Variants in ADAM22 observed in about 807,000 individuals in gnomAD.
ADAM22 encodes the protein disintegrin and metalloproteinase domain-containing protein 22.
ADAM22 carries 65 observed loss-of-function variants against 144.6 expected under a neutral mutation model. That is an observed-to-expected ratio of 0.45 (90% CI 0.37 to 0.55). The LOEUF (loss-of-function observed/expected upper bound fraction) is 0.55, where lower values mean the gene tolerates loss of function less well. ADAM22 is among the 20% of genes least tolerant of loss of function. The pLI is 0.00. For synonymous variants in ADAM22, 391 were observed against 412.6 expected (o/e 0.95, Z 0.63); for missense variants, 974 against 1,184.9 (o/e 0.82, Z 2.61).
chr7:88,092,545 CT>C (rs1477435898), intron 4 of ADAM22, among the ~76,000 whole-genome samples: 49 of 152,342 alleles, frequency 3.2e-4, no homozygotes, highest in East Asian at 9.6e-4. Context: ...CATTTCCCCC[CT>C]GGCAGGCTTA....
At chr7:88,041,870 G>T (rs1170115301) in intron 3 of ADAM22, among the ~76,000 whole-genome samples, 1 of 151,972 alleles carries the variant, frequency 6.6e-6, no homozygotes, top group Non-Finnish European at 1.5e-5. Context: ...GCCACATTTT[G>T]AAATGCAATT....
In ADAM22 at chr7:88,072,211, C is replaced by CTTGTA. The variant is rs202145184; in HGVS notation, c.324-3413_324-3409dup. Among the ~76,000 whole-genome samples, 89 of 152,134 alleles carry CTTGTA rather than the reference C, an allele frequency of 5.9e-4. 1 individual carries two copies. In the East Asian group the frequency reaches 0.017, roughly 28 times the overall value. On this transcript the variant is annotated intron_variant, in intron 3 of 31. Transcript: ENST00000413139. ...TTACATGGAGCGCTTTCCAGCAATACTTGTATATAGAGGCTTGATTGAAAT... is the reference window on the plus strand; with the variant it reads ...TTACATGGAGCGCTTTCCAGCAATACTTGTATTGTATATAGAGGCTTGATTGAAAT...
intron 2 of ADAM22, among the ~76,000 whole-genome samples, chr7:87,977,737 A>G (rs551060150): frequency 6.6e-6 from 1 of 150,494 alleles, no homozygotes; most frequent in Non-Finnish European, 1.5e-5. Flanking sequence ...GAAATAGTGA[A>G]TTTTTTTTTT....
intron 4 of ADAM22, among the ~76,000 whole-genome samples, chr7:88,086,079 G>A (rs1334600169): frequency 2.0e-5 from 3 of 152,186 alleles, no homozygotes; most frequent in African/African-American, 7.2e-5. Context: ...AGGAGGCTGA[G>A]GCAGGAGAAT....
intron 14 of ADAM22, among the ~76,000 whole-genome samples, chr7:88,141,235 A>C (rs1834537408): frequency 6.6e-6 from 1 of 152,174 alleles, no homozygotes; most frequent in African/African-American, 2.4e-5. Flanking sequence ...GAGGCTGTAA[A>C]ACAGGCTGAT....
At chr7:88,082,685 A>G (rs1817121870) in intron 4 of ADAM22, among the ~76,000 whole-genome samples, 1 of 152,260 alleles carries the variant, frequency 6.6e-6, no homozygotes, top group South Asian at 2.1e-4. Context: ...AAGGATATGA[A>G]CAGACACTTC....
intron 14 of ADAM22, among the ~76,000 whole-genome samples, chr7:88,139,474 A>T (rs1295457994): frequency 6.6e-6 from 1 of 151,984 alleles, no homozygotes; most frequent in Non-Finnish European, 1.5e-5. Context: ...GGGCTTTGAA[A>T]AAAGACCTAT....
Position 88,181,693 on chromosome 7 carries a change from A to C in ADAM22, c.2596+88A>C, listed in dbSNP as rs905662660. ...GGTTGTAAAGACTTTTATTTCTTTG[A>C]AGCTCTTTAGCTCTTCTCCCAACAG... is the stretch of plus-strand genomic sequence containing the variant. On this transcript the variant is annotated intron_variant, in intron 28 of 31. Coordinates refer to ENST00000413139, the MANE Select transcript of ADAM22 (RefSeq NM_001324418.2). The C allele has an allele frequency of 6.8e-6, 8 of 1,175,010 alleles. No individual in the cohort carries two copies. The African/African-American group carries it at 1.2e-4, about 18-fold the overall frequency. The allele number at this position is 1,175,010 out of a possible 1,614,324, so 72.8% of individuals were successfully genotyped here.
chr7:88,177,599 A>G (rs1845996659), intron 26 of ADAM22, among the ~76,000 whole-genome samples: 1 of 152,232 alleles, frequency 6.6e-6, no homozygotes, highest in Non-Finnish European at 1.5e-5. Context: ...AAATCACACA[A>G]GTTAAAATAT....
intron 30 of ADAM22, among the ~76,000 whole-genome samples, chr7:88,189,742 A>G (rs1471854637): frequency 6.6e-6 from 1 of 151,980 alleles, no homozygotes; most frequent in Non-Finnish European, 1.5e-5. Context: ...TCAGGAGATT[A>G]AGACCATCCT....
At chr7:87,935,210 G>C (rs367810796) in intron 2 of ADAM22, 24 bp downstream of exon 2, 53 of 1,554,010 alleles carry the variant, frequency 3.4e-5, no homozygotes, top group Non-Finnish European at 4.3e-5. Context: ...TCCGGGAGGT[G>C]GTCCTCCGCG....
chr7:88,097,727 CA>C (rs1821805085), intron 4 of ADAM22, among the ~76,000 whole-genome samples: 1 of 151,690 alleles, frequency 6.6e-6, no homozygotes, highest in Non-Finnish European at 1.5e-5. Context: ...CTTTGTGCAA[CA>C]ATCATCTAGT....
chr7:88,061,589 A>G (rs548676735), intron 3 of ADAM22, among the ~76,000 whole-genome samples: 1 of 152,288 alleles, frequency 6.6e-6, no homozygotes, highest in South Asian at 2.1e-4. Flanking sequence ...AATATTTTGA[A>G]AGAAATATTT....
intron 28 of ADAM22, 132 bp from the exon 29 acceptor site, chr7:88,181,826 T>A: frequency 1.1e-6 from 1 of 875,156 alleles, no homozygotes; most frequent in Non-Finnish European, 1.8e-6. Context: ...TTGAGAAAGC[T>A]GTACAGTGTG....
chr7:88,083,869 C>A (rs940107088), intron 4 of ADAM22, among the ~76,000 whole-genome samples: 2 of 151,938 alleles, frequency 1.3e-5, no homozygotes, highest in African/African-American at 4.8e-5. Flanking sequence ...CAGGATTCAT[C>A]TAGATATAAC....
chr7:88,189,666 C>T (rs1849153143), intron 30 of ADAM22, among the ~76,000 whole-genome samples: 1 of 152,130 alleles, frequency 6.6e-6, no homozygotes, highest in Non-Finnish European at 1.5e-5. Flanking sequence ...TGGATCTAGG[C>T]CAGGCGCAGT....
chr7:87,953,058 T>A (rs551273285), intron 2 of ADAM22, among the ~76,000 whole-genome samples: 1 of 152,208 alleles, frequency 6.6e-6, no homozygotes, highest in African/African-American at 2.4e-5. Flanking sequence ...GCTAGTGGTC[T>A]ATCAATTTTG....
At chr7:87,967,905 A>G (rs1202593289) in intron 2 of ADAM22, among the ~76,000 whole-genome samples, 1 of 151,600 alleles carries the variant, frequency 6.6e-6, no homozygotes, top group Non-Finnish European at 1.5e-5. Flanking sequence ...TTTAGCTGGA[A>G]AGACTATCTG....
chr7:88,186,454 A>G, intron 29 of ADAM22, 161 bp from the exon 30 acceptor site: 1 of 667,900 alleles, frequency 1.5e-6, no homozygotes, highest in Non-Finnish European at 2.7e-6. Context: ...TTCTCATGTC[A>G]TTGTATAGAC....
Sources: gnomAD v4.1 joint callset for allele counts (sites outside exome capture counted in the v4.1 genomes callset) on GRCh38, gnomAD v4.1.1 for gene constraint, MANE v1.5 for transcripts, NCBI Gene and HGNC (gene_info 2026-07-23, HGNC 2026-07-21) for gene names.